Variants in ROBO2 observed in about 807,000 individuals in gnomAD.
ROBO2 encodes the protein roundabout homolog 2.
A neutral mutation model predicts 160.8 loss-of-function variants in ROBO2; 53 were observed. The observed-to-expected ratio is 0.33, with a 90% confidence interval of 0.26 to 0.41. The LOEUF (loss-of-function observed/expected upper bound fraction) is 0.41. Ranked by LOEUF, ROBO2 falls within the 10% of genes least tolerant of loss-of-function variation. ROBO2 has a pLI of 1.00. For missense variants in ROBO2, 1,577 were observed against 1,722.4 expected (o/e 0.92, Z 1.49); for synonymous variants, 664 against 611.7 (o/e 1.09, Z -1.26).
At chr3:77,641,989 C>CA (rs2095357024) in intron 24 of ROBO2, among the ~76,000 whole-genome samples, 1 of 152,138 alleles carries the variant, frequency 6.6e-6, no homozygotes, top group African/African-American at 2.4e-5. Context: ...CCATAAAACA[C>CA]ATTCAGTCTT....
rs2095191121 is a variant in ROBO2, at chr3:77,632,725, C to T, written c.3761-2145C>T. 1.5e-5 allele frequency: 20 copies of T among 1,351,468 alleles called. No individual in the cohort carries two copies. In the South Asian group the frequency reaches 2.8e-4, roughly 19 times the overall value. The allele number at this position is 1,351,468 out of a possible 1,614,324, so 83.7% of individuals were successfully genotyped here. ...GTCCTTGGACACTGTCCTCTTTTCT[C>T]CTGTTCTTTCTCCTTAGTGAGTCTG... is the stretch of plus-strand genomic sequence containing the variant. On this transcript the variant is annotated intron_variant, in intron 23 of 25. Coordinates refer to ENST00000461745, the Ensembl canonical transcript of ROBO2.
intron 2 of ROBO2, among the ~76,000 whole-genome samples, chr3:76,790,768 G>A (rs2063305153): frequency 6.6e-6 from 1 of 151,712 alleles, no homozygotes; most frequent in African/African-American, 2.4e-5. Context: ...TACTAAATTG[G>A]AGCTATTTCT....
At chr3:77,102,121 G>T (rs533488039) in intron 2 of ROBO2, among the ~76,000 whole-genome samples, 2 of 152,316 alleles carry the variant, frequency 1.3e-5, no homozygotes, top group South Asian at 4.1e-4. Context: ...GTACCTGTGG[G>T]CTCCAGTGAT....
chr3:76,047,937 A>T (rs772323612), intron 2 of ROBO2, among the ~76,000 whole-genome samples: 29 of 152,242 alleles, frequency 1.9e-4, no homozygotes, highest in Non-Finnish European at 3.1e-4. Flanking sequence ...TTATATTCTT[A>T]ATGAATATGG....
chr3:76,853,279 C>T (rs1208583533), intron 2 of ROBO2, among the ~76,000 whole-genome samples: 1 of 151,954 alleles, frequency 6.6e-6, no homozygotes, highest in Non-Finnish European at 1.5e-5. Context: ...GTAAGATTGC[C>T]ACTTGGGACT....
At chr3:76,866,871 C>G (rs1272316169) in intron 2 of ROBO2, among the ~76,000 whole-genome samples, 1 of 152,154 alleles carries the variant, frequency 6.6e-6, no homozygotes, top group Non-Finnish European at 1.5e-5. Flanking sequence ...ATCTCAACCA[C>G]TACCTCCCAG....
intron 2 of ROBO2, among the ~76,000 whole-genome samples, chr3:76,263,382 A>G (rs2324495): frequency 0.74 from 112,959 of 151,822 alleles, 45,598 homozygotes; most frequent in Non-Finnish European, 0.92. Flanking sequence ...ATGCACTACC[A>G]TACCTAGCTA....
chr3:75,937,394 C>T (rs1947831391), intron 1 of ROBO2: 4 of 584,910 alleles, frequency 6.8e-6, no homozygotes, highest in Non-Finnish European at 1.1e-5. Context: ...ATGCACAATG[C>T]ATATTAGATA....
chr3:76,155,540 G>A (rs1364081809), intron 2 of ROBO2, among the ~76,000 whole-genome samples: 3 of 152,120 alleles, frequency 2.0e-5, no homozygotes, highest in East Asian at 3.9e-4. Flanking sequence ...CAAACAAGAA[G>A]GGATTACAAG....
At chr3:76,337,930 C>T (rs1456385529) in intron 2 of ROBO2, among the ~76,000 whole-genome samples, 1 of 152,012 alleles carries the variant, frequency 6.6e-6, no homozygotes, top group Non-Finnish European at 1.5e-5. Flanking sequence ...ATTATTGAAA[C>T]CCCCGTGGTA....
chr3:76,946,878 G>A (rs1372504389), intron 2 of ROBO2, among the ~76,000 whole-genome samples: 5 of 152,318 alleles, frequency 3.3e-5, no homozygotes, highest in South Asian at 2.1e-4. Context: ...GCTGTAAGCC[G>A]GGGACAAAGA....
chr3:76,931,134 T>C (rs1454850910), intron 2 of ROBO2, among the ~76,000 whole-genome samples: 1 of 152,214 alleles, frequency 6.6e-6, no homozygotes, highest in Admixed American at 6.5e-5. Context: ...TCTGTTACTA[T>C]GTTAAAGTAC....
chr3:77,519,269 AT>A (rs1168421316), intron 5 of ROBO2, among the ~76,000 whole-genome samples: 2 of 151,450 alleles, frequency 1.3e-5, no homozygotes, highest in Non-Finnish European at 3.0e-5. Flanking sequence ...TGATAAAAAA[AT>A]CTCAGGAAGT....
intron 2 of ROBO2, among the ~76,000 whole-genome samples, chr3:76,749,624 A>G (rs540148757): frequency 6.6e-6 from 1 of 152,216 alleles, no homozygotes; most frequent in African/African-American, 2.4e-5. Flanking sequence ...TTTAAAAATG[A>G]TAATGAAAGA....
At position 77,167,518 on chromosome 3, in the gene ROBO2, C is replaced by T. The variant is rs372277133; in HGVS notation, c.388+69178C>T. Among the ~76,000 whole-genome samples, 21 of 152,160 alleles carry T rather than the reference C, an allele frequency of 1.4e-4. No homozygotes were observed. In the East Asian group the frequency reaches 2.1e-3, roughly 15 times the overall value. The stretch of plus-strand genomic sequence containing the variant: ...CTTGGGAACTTTTTTTCCTTGAGCT[C>T]CCAGCATAAGAGAGGCTACTGGGGT... On this transcript the variant is annotated intron_variant, in intron 2 of 25. Coordinates refer to ENST00000461745, the Ensembl canonical transcript of ROBO2.
intron 2 of ROBO2, among the ~76,000 whole-genome samples, chr3:76,489,267 C>G (rs2079682269): frequency 6.6e-6 from 1 of 151,094 alleles, no homozygotes; most frequent in African/African-American, 2.4e-5. Flanking sequence ...AACTTATACT[C>G]TGTTCATTGC....
chr3:77,587,507 G>T (rs893589655), intron 16 of ROBO2, among the ~76,000 whole-genome samples: 1 of 151,822 alleles, frequency 6.6e-6, no homozygotes, highest in Non-Finnish European at 1.5e-5. Context: ...AACTTACATG[G>T]GTCATAATTT....
At chr3:75,926,949 C>T (rs1947316533) in intron 1 of ROBO2, among the ~76,000 whole-genome samples, 1 of 152,096 alleles carries the variant, frequency 6.6e-6, no homozygotes, top group African/African-American at 2.4e-5. Context: ...AGTGCTTTGA[C>T]CAGAAAGGCA....
chr3:76,502,546 T>C (rs1392001305), intron 2 of ROBO2, among the ~76,000 whole-genome samples: 4 of 152,244 alleles, frequency 2.6e-5, no homozygotes, highest in Non-Finnish European at 4.4e-5. Flanking sequence ...ACTAGAAATT[T>C]GCTTCATCCA....
Sources: allele counts gnomAD v4.1 joint callset (sites outside exome capture counted in the v4.1 genomes callset), GRCh38; gene constraint gnomAD v4.1.1; transcripts MANE v1.5; gene names NCBI Gene and HGNC (gene_info 2026-07-23, HGNC 2026-07-21).